CD226: variants seen among roughly 807,000 people sequenced by gnomAD.
CD226 encodes the protein CD226 molecule.
A neutral mutation model predicts 34.9 loss-of-function variants in CD226; 24 were observed. That is an observed-to-expected ratio of 0.69 (90% CI 0.50 to 0.97). The LOEUF is 0.97. Ranked by LOEUF, CD226 falls within the 50% of genes least tolerant of loss-of-function variation. CD226 has a pLI of 0.00. For missense variants in CD226, 397 were observed against 412.7 expected (o/e 0.96, Z 0.33); for synonymous variants, 148 against 147.4 (o/e 1.00, Z -0.03).
chr18:69,945,532 C>G (rs1465265516), intron 2 of CD226, among the ~76,000 whole-genome samples: 1 of 152,130 alleles, frequency 6.6e-6, no homozygotes, highest in African/African-American at 2.4e-5. Flanking sequence ...AGAAAGTGTC[C>G]TCTCTAGCTA....
At chr18:69,947,185 G>T in intron 1 of CD226, 116 bp from the exon 2 acceptor site, 1 of 1,006,934 alleles carries the variant, frequency 9.9e-7, no homozygotes, top group Non-Finnish European at 1.5e-6. Flanking sequence ...GACAGTTTCT[G>T]CCTTTGTCTA....
At chr18:69,882,742 C>T (rs562978584) in intron 3 of CD226, among the ~76,000 whole-genome samples, 3 of 152,340 alleles carry the variant, frequency 2.0e-5, no homozygotes, top group African/African-American at 4.8e-5. Context: ...GAAAAGAGTT[C>T]ATGTAGCAGG....
At chr18:69,913,597 T>C (rs1303704997) in intron 2 of CD226, among the ~76,000 whole-genome samples, 2 of 152,228 alleles carry the variant, frequency 1.3e-5, no homozygotes, top group African/African-American at 2.4e-5. Flanking sequence ...AGTAAACGTA[T>C]GCCATACTCT....
At chr18:69,881,874 T>C (rs1174208951) in intron 3 of CD226, among the ~76,000 whole-genome samples, 1 of 152,182 alleles carries the variant, frequency 6.6e-6, no homozygotes, top group African/African-American at 2.4e-5. Flanking sequence ...ACGCATCACG[T>C]GGATATTGGT....
intron 2 of CD226, among the ~76,000 whole-genome samples, chr18:69,913,437 T>C (rs1170423662): frequency 6.6e-6 from 1 of 152,206 alleles, no homozygotes; most frequent in Non-Finnish European, 1.5e-5. Context: ...TGTTCATAAT[T>C]AGAAAACAAA....
chr18:69,885,552 G>A lies in CD226; in HGVS notation c.727+10149C>T, dbSNP rs553927400. Among the ~76,000 whole-genome samples the A allele has an allele frequency of 6.6e-5, 10 of 152,294 alleles. No individual in the cohort carries two copies. In the East Asian group the frequency reaches 1.9e-3, roughly 29 times the overall value. On this transcript the variant is annotated intron_variant, in intron 3 of 5. Transcript: ENST00000582621. ...CAAGGGAGTGGACTTTCCCACACAG[G>A]AAGCGTCCAGTGGGTGGATCTGGTG...
chr18:69,926,875 T>C (rs976664712), intron 2 of CD226, among the ~76,000 whole-genome samples: 6 of 152,222 alleles, frequency 3.9e-5, no homozygotes, highest in African/African-American at 1.4e-4. Flanking sequence ...CTCAAAGCTC[T>C]GTGTCAACAA....
chr18:69,890,657 TAGTC>T (rs551833595), intron 3 of CD226, among the ~76,000 whole-genome samples: 15 of 152,176 alleles, frequency 9.9e-5, no homozygotes, highest in South Asian at 4.1e-4. Context: ...GATGGAAACT[TAGTC>T]AGTTAGAAAA....
At chr18:69,893,550 T>C (rs1045110811) in intron 3 of CD226, among the ~76,000 whole-genome samples, 3 of 152,248 alleles carry the variant, frequency 2.0e-5, no homozygotes, top group African/African-American at 7.2e-5. Context: ...AATAGAACAT[T>C]TTTTTCTTGC....
At position 69,864,463 on chromosome 18, in the gene CD226, T is replaced by G. The variant is rs751707016; in HGVS notation, c.886-24A>C. ...GCCTAGAAAGACAAACAGCAGAGAG[T>G]GTCAATAATTCACTGCATTTCAACA... On this transcript the variant is annotated intron_variant, in intron 5 of 5. Transcript: ENST00000582621. 41 of 1,608,536 alleles carry G rather than the reference T, an allele frequency of 2.5e-5. No individual in the cohort carries two copies. The South Asian group carries it at 3.9e-4, about 15-fold the overall frequency.
chr18:69,914,752 T>C (rs1180393139), intron 2 of CD226, among the ~76,000 whole-genome samples: 2 of 152,134 alleles, frequency 1.3e-5, no homozygotes, highest in African/African-American at 2.4e-5. Flanking sequence ...TAAGACAATG[T>C]CCCAAATTCT....
chr18:69,954,762 G>A (rs1365461493), intron 1 of CD226, among the ~76,000 whole-genome samples: 2 of 152,110 alleles, frequency 1.3e-5, no homozygotes, highest in African/African-American at 4.8e-5. Flanking sequence ...GGGTCCTAGA[G>A]GTCACAGATT....
At chr18:69,869,555 T>TA (rs1023328702) in intron 4 of CD226, among the ~76,000 whole-genome samples, 1 of 152,084 alleles carries the variant, frequency 6.6e-6, no homozygotes, top group Non-Finnish European at 1.5e-5. Context: ...CTATTGGGTA[T>TA]AAGGCTTAAT....
intron 2 of CD226, among the ~76,000 whole-genome samples, chr18:69,912,361 C>CAGG (rs1035263442): frequency 2.6e-5 from 4 of 152,154 alleles, no homozygotes; most frequent in African/African-American, 4.8e-5. Context: ...AGTGAAAACC[C>CAGG]AGGAGACATC....
chr18:69,871,757 AG>A (rs1983536607), intron 4 of CD226, among the ~76,000 whole-genome samples: 1 of 152,240 alleles, frequency 6.6e-6, no homozygotes, highest in Non-Finnish European at 1.5e-5. Flanking sequence ...GATTAAATAA[AG>A]TAGAAAGTAT....
chr18:69,861,721 A>G lies in CD226; in HGVS notation c.*2593T>C, dbSNP rs1192881220. 2.0e-5 allele frequency: 3 copies of G among 151,788 alleles called. No individual in the cohort carries two copies. The highest frequency in any genetic ancestry group is 7.2e-5 in the African/African-American group (3 of 41,380). The allele number at this position is 151,788 out of a possible 1,614,324, so 9.4% of individuals were successfully genotyped here. A position where few individuals can be genotyped will look rare whatever the true frequency, so the allele number is the denominator to read the frequency against. On this transcript the variant is annotated 3_prime_UTR_variant, in exon 6 of 6. Coordinates refer to ENST00000582621, the MANE Select transcript of CD226 (RefSeq NM_001303618.2). ...AGTAACAATCAGAATCATAGGTGCA[A>G]AAGAGTAGAGGGGGAGAAACATACA...
intron 1 of CD226, among the ~76,000 whole-genome samples, chr18:69,954,647 G>GTTCATGGGAGGA (rs1277912740): frequency 4.6e-5 from 7 of 152,014 alleles, no homozygotes; most frequent in Non-Finnish European, 8.8e-5. Context: ...ACTGGAAAAG[G>GTTCATGGGAGGA]GGTACTAACT....
intron 3 of CD226, among the ~76,000 whole-genome samples, chr18:69,890,354 T>C (rs1387348787): frequency 6.6e-6 from 1 of 152,108 alleles, no homozygotes; most frequent in Admixed American, 6.6e-5. Flanking sequence ...CCCAGCACTT[T>C]AGGAGGCTGA....
intron 3 of CD226, among the ~76,000 whole-genome samples, chr18:69,887,879 A>C (rs147831979): frequency 3.7e-4 from 57 of 152,362 alleles, no homozygotes; most frequent in African/African-American, 1.3e-3. Flanking sequence ...TTCCTGTTGA[A>C]TAAATGTATT....
Sources: allele counts gnomAD v4.1 joint callset (sites outside exome capture counted in the v4.1 genomes callset), GRCh38; gene constraint gnomAD v4.1.1; transcripts MANE v1.5; gene names NCBI Gene and HGNC (gene_info 2026-07-23, HGNC 2026-07-21).